The following DPYD variants were observed in gnomAD, a reference collection of about 807,000 sequenced individuals.
DPYD encodes dihydropyrimidine dehydrogenase [NADP(+)].
DPYD carries 109 observed loss-of-function variants against 116.2 expected under a neutral mutation model. The ratio of observed to expected loss-of-function variants is 0.94; its 90% CI spans 0.80 to 1.10. The LOEUF (loss-of-function observed/expected upper bound fraction) is 1.10. DPYD is among the 50% of genes least tolerant of loss of function. The pLI, the probability that DPYD is intolerant of heterozygous loss-of-function variation, is 0.00. For missense variants in DPYD, 1,302 were observed against 1,254.5 expected (o/e 1.04, Z -0.57); for synonymous variants, 440 against 432.0 (o/e 1.02, Z -0.23).
At chr1:97,760,114 G>A (rs553798241) in intron 3 of DPYD, among the ~76,000 whole-genome samples, 45 of 152,232 alleles carry the variant, frequency 3.0e-4, no homozygotes, top group African/African-American at 9.9e-4. Context: ...ATAGAAGTAC[G>A]TAAAGCACTC....
rs144974366 is a variant in DPYD at position 97,646,064 on chromosome 1, T to C, written c.850+33031A>G. Among the ~76,000 whole-genome samples the C allele has an allele frequency of 4.4e-3, 677 of 152,248 alleles. 9 individuals carry two copies. Among genetic ancestry groups the C allele is most frequent in the African/African-American group, 0.015 (638 of 41,578 alleles). ...ATATGTCCAAGGAAGTTTTATTTTGTAAAATACAAAAGTTTTCCTAGGATA... is the reference window on the plus strand; with the variant it reads ...ATATGTCCAAGGAAGTTTTATTTTGCAAAATACAAAAGTTTTCCTAGGATA... On this transcript the variant is annotated intron_variant, in intron 8 of 22. Coordinates refer to ENST00000370192, the MANE Select transcript of DPYD (RefSeq NM_000110.4).
chr1:97,912,974 A>G (rs940890549), intron 1 of DPYD, among the ~76,000 whole-genome samples: 1 of 152,100 alleles, frequency 6.6e-6, no homozygotes, highest in African/African-American at 2.4e-5. Context: ...TTCACCTACA[A>G]TCATCAATCA....
At chr1:97,763,279 G>A (rs1325317386) in intron 3 of DPYD, among the ~76,000 whole-genome samples, 1 of 151,936 alleles carries the variant, frequency 6.6e-6, no homozygotes. Context: ...CCAGTTAATA[G>A]GAGGGGATTA....
chr1:97,365,592 G>A (rs965814697), intron 16 of DPYD, among the ~76,000 whole-genome samples: 71 of 152,004 alleles, frequency 4.7e-4, no homozygotes, highest in African/African-American at 1.6e-3. Flanking sequence ...CTTATTTCTG[G>A]AATAAAACAA....
intron 11 of DPYD, among the ~76,000 whole-genome samples, chr1:97,570,173 G>GA (rs58894351): frequency 1.3e-5 from 2 of 151,878 alleles, no homozygotes; most frequent in African/African-American, 4.8e-5. Context: ...GAATATTTCA[G>GA]AAAAAACTGA....
rs7513888 is a variant in DPYD at position 97,750,884 on chromosome 1, C to G, written c.234-10405G>C. Among the ~76,000 whole-genome samples, 739 of 152,122 alleles carry G rather than the reference C, an allele frequency of 4.9e-3. 1 individual carries two copies. The highest frequency in any genetic ancestry group is 6.6e-3 in the Non-Finnish European group (448 of 68,004). ...ATTTTGGTATATGCAAGGGTCCTGG[C>G]AACTCTCTAGCATATACCAAAGGAT... On this transcript the variant is annotated intron_variant, in intron 3 of 22. Coordinates refer to ENST00000370192, the MANE Select transcript of DPYD (RefSeq NM_000110.4).
At chr1:97,156,123 T>C (rs1414290939) in intron 20 of DPYD, among the ~76,000 whole-genome samples, 1 of 152,184 alleles carries the variant, frequency 6.6e-6, no homozygotes, top group Non-Finnish European at 1.5e-5. Flanking sequence ...ATAAAATGTT[T>C]ATATTTTTAG....
chr1:97,732,303 C>T (rs1432049048), intron 4 of DPYD, among the ~76,000 whole-genome samples: 1 of 151,746 alleles, frequency 6.6e-6, no homozygotes, highest in African/African-American at 2.4e-5. Flanking sequence ...GGTGAAACCT[C>T]GTCTTTACTA....
chr1:97,388,790 T>A (rs1361775971), intron 14 of DPYD, among the ~76,000 whole-genome samples: 1 of 152,060 alleles, frequency 6.6e-6, no homozygotes, highest in Admixed American at 6.6e-5. Flanking sequence ...GGACTAATGA[T>A]GTTTTCTTAA....
intron 21 of DPYD, among the ~76,000 whole-genome samples, chr1:97,097,164 G>A (rs1263384581): frequency 6.6e-6 from 1 of 152,160 alleles, no homozygotes; most frequent in African/African-American, 2.4e-5. Context: ...GGGCTTTTAT[G>A]CTGTTAAAAG....
intron 8 of DPYD, among the ~76,000 whole-genome samples, chr1:97,661,674 TAACTTTATTGGTTAGTAAGAA>T (rs1340251246): frequency 3.9e-5 from 6 of 152,158 alleles, no homozygotes; most frequent in African/African-American, 9.6e-5. Context: ...TCTTGCAGAA[TAACTTTATTGGTTAGTAAGAA>T]AAAGGGAATG....
rs984557299 is a variant in DPYD, at chr1:97,883,305, C to G, written c.109G>C (p.Asp37His). Reference sequence around the variant, plus strand: ...GGATTTCTTTTCCAATGTTTCTTGTCTAATTTCTTGGCCGAAGTGGAACAC... The same window carrying G: ...GGATTTCTTTTCCAATGTTTCTTGTGTAATTTCTTGGCCGAAGTGGAACAC... ...TLCSTSAKKL[D>H]KKHWKRNPDK... Residue 37 changes from aspartate (D) to histidine (H), a missense_variant, in exon 2 of 23, where the codon GAC becomes CAC. Physicochemically the swap from Asp to His is moderately conservative, Grantham distance 81. Coordinates refer to ENST00000370192, the MANE Select transcript of DPYD (RefSeq NM_000110.4). The G allele has an allele frequency of 2.5e-6, 4 of 1,612,580 alleles. No homozygotes were observed. The African/African-American group carries it at 5.3e-5, about 22-fold the overall frequency.
intron 20 of DPYD, among the ~76,000 whole-genome samples, chr1:97,162,021 G>T (rs866789145): frequency 6.6e-6 from 1 of 151,322 alleles, no homozygotes; most frequent in Admixed American, 6.6e-5. Flanking sequence ...GAATAGAGCC[G>T]CAATAAACAT....
chr1:97,323,253 CTTAT>C (rs1245991354), intron 16 of DPYD, among the ~76,000 whole-genome samples: 14 of 49,720 alleles, frequency 2.8e-4, no homozygotes, highest in African/African-American at 7.3e-4. Context: ...CATTTATATA[CTTAT>C]ATACATATGT....
intron 8 of DPYD, among the ~76,000 whole-genome samples, chr1:97,616,219 T>C (rs559174239): frequency 1.3e-5 from 2 of 152,274 alleles, no homozygotes; most frequent in South Asian, 2.1e-4. Flanking sequence ...TAGGACATAC[T>C]AGGTATTCAA....
intron 9 of DPYD, among the ~76,000 whole-genome samples, chr1:97,594,814 T>C (rs1426079697): frequency 6.6e-6 from 1 of 152,150 alleles, no homozygotes; most frequent in African/African-American, 2.4e-5. Flanking sequence ...TTTTTCATGA[T>C]GTAGTTTAGA....
At chr1:97,754,217 T>C (rs892078715) in intron 3 of DPYD, among the ~76,000 whole-genome samples, 1 of 152,152 alleles carries the variant, frequency 6.6e-6, no homozygotes, top group Non-Finnish European at 1.5e-5. Context: ...GAAAGTGAAC[T>C]AATATGAAGA....
intron 11 of DPYD, among the ~76,000 whole-genome samples, chr1:97,555,237 C>G (rs539651200): frequency 6.6e-6 from 1 of 152,120 alleles, no homozygotes; most frequent in Admixed American, 6.6e-5. Flanking sequence ...GCTCTAGCCC[C>G]TCTTCACCTC....
chr1:97,262,158 T>C (rs911550525), intron 18 of DPYD, among the ~76,000 whole-genome samples: 29 of 152,002 alleles, frequency 1.9e-4, no homozygotes, highest in African/African-American at 7.0e-4. Flanking sequence ...TCTTTTAATG[T>C]GTGAGCTCCG....
Sources: allele counts gnomAD v4.1 joint callset (sites outside exome capture counted in the v4.1 genomes callset), GRCh38; gene constraint gnomAD v4.1.1; transcripts MANE v1.5; gene names NCBI Gene and HGNC (gene_info 2026-07-23, HGNC 2026-07-21).